CR1: variants seen among roughly 807,000 people sequenced by gnomAD.
CR1 encodes the protein complement receptor type 1.
CR1 carries 116 observed loss-of-function variants against 187.3 expected under a neutral mutation model. That is an observed-to-expected ratio of 0.62 (90% CI 0.53 to 0.72). The LOEUF is 0.72. Ranked by LOEUF, CR1 falls within the 30% of genes least tolerant of loss-of-function variation. The probability of loss-of-function intolerance (pLI) is 0.00; values close to 1 mark genes in which losing one functional copy is unlikely to be tolerated. For missense variants in CR1, 1,731 were observed against 2,110.7 expected, an observed-to-expected ratio of 0.82 and a Z score of 3.52; for synonymous variants, 576 against 747.1, an observed-to-expected ratio of 0.77 and a Z score of 3.73.
At chr1:207,515,475 C>T (rs1285525101) in intron 4 of CR1, among the ~76,000 whole-genome samples, 1 of 151,842 alleles carries the variant, frequency 6.6e-6, no homozygotes. Flanking sequence ...GTTATCTTCC[C>T]AAAGAAACCA....
rs558348308 is a variant in CR1, at chr1:207,519,753, G to C, written c.488-3858G>C. ...AGACTCCAGCCCAGCTGCAATGGGG[G>C]AAGAGGATTTACCGACAGAAAAAGG... On this transcript the variant is annotated intron_variant, in intron 4 of 46. Transcript: ENST00000367049. Among the ~76,000 whole-genome samples the C allele has an allele frequency of 5.3e-5, 8 of 152,308 alleles. No homozygotes were observed. In the South Asian group the frequency reaches 1.7e-3, roughly 32 times the overall value.
chr1:207,578,912 A>C (rs1660850266), intron 29 of CR1, among the ~76,000 whole-genome samples: 1 of 152,214 alleles, frequency 6.6e-6, no homozygotes, highest in Non-Finnish European at 1.5e-5. Context: ...TCTGTTGCCC[A>C]GGCTGAAGTA....
At chr1:207,592,886 G>T (rs1661314277) in intron 35 of CR1, among the ~76,000 whole-genome samples, 1 of 151,982 alleles carries the variant, frequency 6.6e-6, no homozygotes. Context: ...CAACTTACAA[G>T]GGAAGTGAAG....
At chr1:207,511,983 A>C (rs1659636578) in intron 4 of CR1, among the ~76,000 whole-genome samples, 1 of 152,204 alleles carries the variant, frequency 6.6e-6, no homozygotes, top group Non-Finnish European at 1.5e-5. Flanking sequence ...AAGATTTTTA[A>C]AATTGATACT....
chr1:207,582,111 G>C, intron 32 of CR1, 108 bp downstream of exon 32: 1 of 658,838 alleles, frequency 1.5e-6, no homozygotes, highest in East Asian at 3.1e-5. Context: ...GCCCGCTTTT[G>C]ATAGAAATTG....
chr1:207,521,532 CCTG>C, intron 4 of CR1, among the ~76,000 whole-genome samples: 1 of 151,488 alleles, frequency 6.6e-6, no homozygotes, highest in South Asian at 2.1e-4. Context: ...CAGAGTCTAA[CCTG>C]CTATTAATCT....
intron 40 of CR1, among the ~76,000 whole-genome samples, chr1:207,615,344 A>T (rs1400915692): frequency 6.6e-6 from 1 of 152,212 alleles, no homozygotes; most frequent in African/African-American, 2.4e-5. Context: ...AATTCTAAAA[A>T]TTATAACATA....
chr1:207,582,810 T>C (rs1466154010), intron 32 of CR1, among the ~76,000 whole-genome samples: 8 of 152,182 alleles, frequency 5.3e-5, no homozygotes, highest in Non-Finnish European at 7.4e-5. Flanking sequence ...AGAAGAAACA[T>C]AGCCAGTTTC....
intron 4 of CR1, among the ~76,000 whole-genome samples, chr1:207,519,418 G>A (rs2102300432): frequency 6.6e-6 from 1 of 151,842 alleles, no homozygotes; most frequent in South Asian, 2.1e-4. Context: ...AATTCATCAA[G>A]TATTTTTATT....
chr1:207,592,417 A>G (rs1361052110), intron 35 of CR1, among the ~76,000 whole-genome samples: 1 of 152,222 alleles, frequency 6.6e-6, no homozygotes. Flanking sequence ...AAAACTCTCA[A>G]TAAACTAGGT....
chr1:207,607,419 C>A, intron 36 of CR1, 83 bp downstream of exon 36: 1 of 1,032,786 alleles, frequency 9.7e-7, no homozygotes, highest in Non-Finnish European at 1.5e-6. Flanking sequence ...TTGAATCCTT[C>A]TTGCACAAAG....
At position 207,523,735 on chromosome 1, in the gene CR1, G is replaced by A; in HGVS notation, c.612G>A (p.Val204=). The change falls in exon 5 of 47, where the codon GTG becomes GTA. Residue 204 remains valine, a synonymous_variant. Transcript: ENST00000367049. The part of the protein sequence containing the change: ...RCNPGSGGRK[V]FELVGEPSIY... Reference sequence around the variant, plus strand: ...ATCCTGGAAGCGGAGGGAGAAAGGTGTTTGAGCTTGTGGGTGAGCCCTCCA... The same window carrying A: ...ATCCTGGAAGCGGAGGGAGAAAGGTATTTGAGCTTGTGGGTGAGCCCTCCA... The A allele has an allele frequency of 6.2e-7, 1 of 1,612,444 alleles. No individual in the cohort carries two copies. The highest frequency in any genetic ancestry group is 8.5e-7 in the Non-Finnish European group (1 of 1,179,844).
chr1:207,572,204 G>GT (rs1419693833), intron 27 of CR1, among the ~76,000 whole-genome samples: 1 of 130,160 alleles, frequency 7.7e-6, no homozygotes, highest in African/African-American at 3.1e-5. Flanking sequence ...AGCAGCAGCA[G>GT]TATCGGGAGG....
intron 45 of CR1, among the ~76,000 whole-genome samples, chr1:207,623,532 C>T (rs1662380593): frequency 6.6e-6 from 1 of 150,624 alleles, no homozygotes. Context: ...TTGTAGTGAG[C>T]CAAGACTGTG....
intron 24 of CR1, among the ~76,000 whole-genome samples, chr1:207,566,158 T>C (rs1266926106): frequency 1.3e-5 from 2 of 150,384 alleles, no homozygotes; most frequent in Non-Finnish European, 2.9e-5. Flanking sequence ...AATCCTTTGG[T>C]CTTGTGCTCC....
At chr1:207,508,583 A>C (rs1376882034) in intron 3 of CR1, among the ~76,000 whole-genome samples, 5 of 152,224 alleles carry the variant, frequency 3.3e-5, no homozygotes, top group Non-Finnish European at 1.5e-5. Context: ...GTGGATTATA[A>C]CTGTTTCAAT....
intron 4 of CR1, among the ~76,000 whole-genome samples, chr1:207,517,077 C>T (rs1558222129): frequency 6.6e-6 from 1 of 152,014 alleles, no homozygotes; most frequent in African/African-American, 2.4e-5. Context: ...AGGAAACTCC[C>T]CTTTCTTTCT....
chr1:207,512,857 T>A (rs917729276), intron 4 of CR1, among the ~76,000 whole-genome samples: 1 of 152,230 alleles, frequency 6.6e-6, no homozygotes, highest in African/African-American at 2.4e-5. Context: ...ATTTTTTATC[T>A]CTGTTTCTAC....
At chr1:207,605,268 A>AG (rs1328731291) in intron 35 of CR1, among the ~76,000 whole-genome samples, 5 of 151,416 alleles carry the variant, frequency 3.3e-5, no homozygotes, top group East Asian at 1.9e-4. Context: ...AAAAAAAAAA[A>AG]AAAGAAAGAA....
Sources: gnomAD v4.1 joint callset for allele counts (sites outside exome capture counted in the v4.1 genomes callset) on GRCh38, gnomAD v4.1.1 for gene constraint, MANE v1.5 for transcripts, NCBI Gene and HGNC (gene_info 2026-07-23, HGNC 2026-07-21) for gene names.